BRD7: variants seen among roughly 807,000 people sequenced by gnomAD.
BRD7 encodes bromodomain containing 7.
BRD7 carries 15 observed loss-of-function variants against 82.1 expected under a neutral mutation model. The ratio of observed to expected loss-of-function variants is 0.18; its 90% CI spans 0.12 to 0.28. The LOEUF (loss-of-function observed/expected upper bound fraction) is 0.28. BRD7 is among the 10% of genes least tolerant of loss of function. The pLI is 1.00. For missense variants in BRD7, 638 were observed against 779.9 expected (o/e 0.82, Z 2.17); for synonymous variants, 232 against 266.9 (o/e 0.87, Z 1.27).
At chr16:50,334,399 T>C (rs2151157608) in intron 7 of BRD7, among the ~76,000 whole-genome samples, 1 of 152,362 alleles carries the variant, frequency 6.6e-6, no homozygotes, top group South Asian at 2.1e-4. Flanking sequence ...ATGCATTTTT[T>C]CTTAAACAAA....
chr16:50,340,375 T>C (rs1056224385), intron 5 of BRD7, among the ~76,000 whole-genome samples: 1 of 152,182 alleles, frequency 6.6e-6, no homozygotes, highest in Non-Finnish European at 1.5e-5. Context: ...GTTTCTTCAG[T>C]ATAATCTTAC....
chr16:50,363,655 G>GTGTGTC (rs764186138), intron 2 of BRD7, among the ~76,000 whole-genome samples: 5 of 95,410 alleles, frequency 5.2e-5, no homozygotes, highest in African/African-American at 1.7e-4. Flanking sequence ...GTGTGTGTGT[G>GTGTGTC]TGTGTGCGCG....
At position 50,317,389 on chromosome 16, in the gene BRD7, G is replaced by C. The variant is rs1012630002; in HGVS notation, c.*1822C>G. ...GATCTAGCAGTGACCAGGGCTGCCC[G>C]GCGGGGGCTCTCCTGGCAAGTCAGG... is the stretch of plus-strand genomic sequence containing the variant. On this transcript the variant is annotated 3_prime_UTR_variant, in exon 17 of 17. Coordinates refer to ENST00000394688, the MANE Select transcript of BRD7 (RefSeq NM_013263.5). 6.7e-6 allele frequency: 1 copy of C among 150,338 alleles called. No individual in the cohort carries two copies. Among genetic ancestry groups the C allele is most frequent in the Non-Finnish European group, 1.5e-5 (1 of 68,044 alleles). The allele number at this position is 150,338 out of a possible 1,614,324, so 9.3% of individuals were successfully genotyped here.
rs1037793509 is a variant in BRD7 at position 50,316,761 on chromosome 16, G to T, written c.*2450C>A. ...CAACCTAACTGTAACAACAGGGTGAGAAATGACCAAACTGCCCGTGACTTT... is the reference window on the plus strand; with the variant it reads ...CAACCTAACTGTAACAACAGGGTGATAAATGACCAAACTGCCCGTGACTTT... On this transcript the variant is annotated 3_prime_UTR_variant, in exon 17 of 17. Transcript: ENST00000394688. The T allele has an allele frequency of 2.0e-5, 3 of 152,368 alleles. No homozygotes were observed. The highest frequency in any genetic ancestry group is 7.2e-5 in the African/African-American group (3 of 41,450). The allele number at this position is 152,368 out of a possible 1,614,324, so 9.4% of individuals were successfully genotyped here.
At chr16:50,342,531 C>T (rs544170901) in intron 5 of BRD7, among the ~76,000 whole-genome samples, 85 of 140,116 alleles carry the variant, frequency 6.1e-4, no homozygotes, top group African/African-American at 1.9e-3. Flanking sequence ...CGCCATTCTC[C>T]GGCCTCAGCC....
intron 2 of BRD7, among the ~76,000 whole-genome samples, chr16:50,360,937 C>G (rs927772087): frequency 1.3e-5 from 2 of 152,250 alleles, no homozygotes; most frequent in African/African-American, 4.8e-5. Context: ...AGATAAGCCA[C>G]AACAGCCCAG....
Position 50,316,138 on chromosome 16 carries a change from T to C in BRD7, c.*3073A>G, listed in dbSNP as rs929879852. ...TACATTAATGGGGTTTTTATCCTTT[T>C]GAATGACTTTTCAGACACTAGACAT... is the stretch of plus-strand genomic sequence containing the variant. On this transcript the variant is annotated 3_prime_UTR_variant, in exon 17 of 17. Coordinates refer to ENST00000394688, the MANE Select transcript of BRD7 (RefSeq NM_013263.5). 1 of 152,666 alleles carries C rather than the reference T, an allele frequency of 6.6e-6. No homozygotes were observed. The highest frequency in any genetic ancestry group is 2.4e-5 in the African/African-American group (1 of 41,470). The allele number at this position is 152,666 out of a possible 1,614,324, so 9.5% of individuals were successfully genotyped here.
At position 50,368,176 on chromosome 16, in the gene BRD7, G is replaced by C; in HGVS notation, c.172C>G (p.His58Asp). 6.2e-7 allele frequency: 1 copy of C among 1,614,150 alleles called. No homozygotes were observed. The highest frequency in any genetic ancestry group is 1.1e-5 in the South Asian group (1 of 91,080). Residue 58 changes from histidine to aspartate, a missense_variant, in exon 2 of 17, where the codon CAC becomes GAC. Physicochemically the swap from His to Asp is moderately conservative, Grantham distance 81 (BLOSUM62 -1). Coordinates refer to ENST00000394688, the MANE Select transcript of BRD7 (RefSeq NM_013263.5). ...LFEDKNDHDK[H>D]KDRKRKKRKK... Reference sequence around the variant, plus strand: ...CTCTTTTTCCGCTTTCTGTCCTTGTGTTTGTCATGATCGTTTTTGTCTTCG... The same window carrying C: ...CTCTTTTTCCGCTTTCTGTCCTTGTCTTTGTCATGATCGTTTTTGTCTTCG...
chr16:50,353,189 C>G (rs566285957), intron 4 of BRD7, among the ~76,000 whole-genome samples: 2 of 151,686 alleles, frequency 1.3e-5, no homozygotes, highest in South Asian at 2.1e-4. Flanking sequence ...CCACCTCAGT[C>G]TCTGGAGCTG....
At chr16:50,332,920 G>C (rs999470167) in intron 8 of BRD7, among the ~76,000 whole-genome samples, 1 of 152,094 alleles carries the variant, frequency 6.6e-6, no homozygotes, top group African/African-American at 2.4e-5. Context: ...CTTAAAAGTA[G>C]GAGCTAAATA....
At chr16:50,343,687 C>T (rs1397009792) in intron 5 of BRD7, among the ~76,000 whole-genome samples, 1 of 152,194 alleles carries the variant, frequency 6.6e-6, no homozygotes, top group Admixed American at 6.5e-5. Context: ...CCCATGCCCA[C>T]GGAGCCTCAC....
intron 1 of BRD7, 192 bp downstream of exon 1, chr16:50,368,532 ACC>A (rs954532977): frequency 1.4e-6 from 1 of 700,772 alleles, no homozygotes; most frequent in African/African-American, 1.9e-5. Context: ...GACCCACCGG[ACC>A]AGGGGGACCC....
chr16:50,322,702 T>C (rs1034555714), intron 12 of BRD7, among the ~76,000 whole-genome samples: 9 of 152,228 alleles, frequency 5.9e-5, no homozygotes, highest in African/African-American at 1.7e-4. Flanking sequence ...TTGAAACACA[T>C]TGCCATATTC....
At position 50,346,836 on chromosome 16, in the gene BRD7, G is replaced by A. The variant is rs537625127; in HGVS notation, c.591+3187C>T. Among the ~76,000 whole-genome samples the A allele has an allele frequency of 1.0e-3, 155 of 152,332 alleles. 1 individual carries two copies. The highest frequency in any genetic ancestry group is 3.6e-3 in the African/African-American group (151 of 41,564). On this transcript the variant is annotated intron_variant, in intron 5 of 16. Coordinates refer to ENST00000394688, the MANE Select transcript of BRD7 (RefSeq NM_013263.5). ...AGCCAAATTCTACCAGAGGTACAAA[G>A]AGGAGCTGGTACTATTCCTTCTGAA...
chr16:50,358,769 G>A (rs1257915109), intron 2 of BRD7, among the ~76,000 whole-genome samples: 1 of 152,132 alleles, frequency 6.6e-6, no homozygotes, highest in African/African-American at 2.4e-5. Context: ...AAAGCAAAAA[G>A]TCTTTGGGGC....
chr16:50,339,245 T>A (rs2037944280), intron 6 of BRD7, among the ~76,000 whole-genome samples: 1 of 152,234 alleles, frequency 6.6e-6, no homozygotes, highest in South Asian at 2.1e-4. Flanking sequence ...CTCTCATTTG[T>A]ATATAGTCAC....
In BRD7 at chr16:50,316,179, A is replaced by G. The variant is rs1254175278; in HGVS notation, c.*3032T>C. ...CACTAGACATAAATCTCTTCCCTCC[A>G]GTGTATGCTCTGCCTTTTTAACCAC... On this transcript the variant is annotated 3_prime_UTR_variant, in exon 17 of 17. Transcript: ENST00000394688. 6.6e-6 allele frequency: 1 copy of G among 152,468 alleles called. No homozygotes were observed. The highest frequency in any genetic ancestry group is 1.5e-5 in the Non-Finnish European group (1 of 68,190). The allele number at this position is 152,468 out of a possible 1,614,324, so 9.4% of individuals were successfully genotyped here. A position where few individuals can be genotyped will look rare whatever the true frequency, so the allele number is the denominator to read the frequency against.
Position 50,317,414 on chromosome 16 carries a change from G to C in BRD7, c.*1797C>G, listed in dbSNP as rs1279800725. 6.6e-6 allele frequency: 1 copy of C among 150,446 alleles called. No homozygotes were observed. The highest frequency in any genetic ancestry group is 1.9e-4 in the East Asian group (1 of 5,332). 9.3% of individuals were successfully genotyped at this position (150,446 alleles called of 1,614,324 possible). A position where few individuals can be genotyped will look rare whatever the true frequency, so the allele number is the denominator to read the frequency against. On this transcript the variant is annotated 3_prime_UTR_variant, in exon 17 of 17. Transcript: ENST00000394688. ...GGCGGGGGCTCTCCTGGCAAGTCAG[G>C]AAGGTTTCTGTTGCTAATATAACAT...
intron 12 of BRD7, 70 bp from the exon 13 acceptor site, chr16:50,322,108 T>C: frequency 7.9e-7 from 1 of 1,272,326 alleles, no homozygotes; most frequent in Non-Finnish European, 1.1e-6. Flanking sequence ...AAGAGAAAAC[T>C]GTCAGGAGTT....
Sources: gnomAD v4.1 joint callset for allele counts (sites outside exome capture counted in the v4.1 genomes callset) on GRCh38, gnomAD v4.1.1 for gene constraint, MANE v1.5 for transcripts, NCBI Gene and HGNC (gene_info 2026-07-23, HGNC 2026-07-21) for gene names.